The following ACYP2 variants were observed in gnomAD, a reference collection of about 807,000 sequenced individuals.
ACYP2 encodes the protein acylphosphatase 2.
In ACYP2, 12 loss-of-function variants were observed where a neutral mutation model predicts 11.2. The observed-to-expected ratio is 1.08, with a 90% CI of 0.69 to 1.74. The LOEUF (loss-of-function observed/expected upper bound fraction) is 1.74, where lower values mean the gene tolerates loss of function less well. ACYP2 is among the 40% of genes most tolerant of loss of function. The pLI is 0.00. For missense variants in ACYP2, 134 were observed against 101.9 expected, an observed-to-expected ratio of 1.31 and a Z score of -1.35; for synonymous variants, 43 against 32.2, an observed-to-expected ratio of 1.33 and a Z score of -1.13.
chr2:54,144,004 C>T (rs2103795397), intron 6 of ACYP2, among the ~76,000 whole-genome samples: 1 of 152,074 alleles, frequency 6.6e-6, no homozygotes, highest in East Asian at 1.9e-4. Flanking sequence ...ACGTTTTGCT[C>T]TGTCACCCAA....
At chr2:54,123,786 A>C (rs1434433179) in intron 4 of ACYP2, among the ~76,000 whole-genome samples, 1 of 152,136 alleles carries the variant, frequency 6.6e-6, no homozygotes, top group African/African-American at 2.4e-5. Flanking sequence ...GTACCAGTGC[A>C]ATACCCCGAC....
At chr2:54,257,302 G>A (rs1004903721) in intron 6 of ACYP2, among the ~76,000 whole-genome samples, 1 of 152,028 alleles carries the variant, frequency 6.6e-6, no homozygotes, top group Non-Finnish European at 1.5e-5. Context: ...TTTATGAGTG[G>A]GGTCACAATT....
At chr2:53,973,831 G>T in intron 2 of ACYP2, 1 of 265,274 alleles carries the variant, frequency 3.8e-6, no homozygotes, top group Non-Finnish European at 7.0e-6. Context: ...TAAAAGGAGG[G>T]ATTTTTGAAT....
At chr2:54,151,331 A>G (rs1447926631) in intron 6 of ACYP2, among the ~76,000 whole-genome samples, 5 of 152,208 alleles carry the variant, frequency 3.3e-5, no homozygotes, top group Admixed American at 3.3e-4. Context: ...AATATTTTCA[A>G]AAATAACTTT....
intron 6 of ACYP2, among the ~76,000 whole-genome samples, chr2:54,285,306 C>T (rs913533545): frequency 2.6e-5 from 4 of 152,198 alleles, no homozygotes; most frequent in East Asian, 1.9e-4. Context: ...TAGGATACCA[C>T]GGTCTCCTGG....
At chr2:54,152,117 T>C (rs2103811698) in intron 6 of ACYP2, among the ~76,000 whole-genome samples, 1 of 123,892 alleles carries the variant, frequency 8.1e-6, no homozygotes, top group East Asian at 2.0e-4. Context: ...GGTTGACTCT[T>C]TTTTTTTTTT....
intron 6 of ACYP2, among the ~76,000 whole-genome samples, chr2:54,246,168 G>T (rs1686944112): frequency 6.6e-6 from 1 of 152,100 alleles, no homozygotes; most frequent in Non-Finnish European, 1.5e-5. Flanking sequence ...GTTGCCTGTA[G>T]ATAAATGGAT....
intron 6 of ACYP2, among the ~76,000 whole-genome samples, chr2:54,247,780 C>G (rs1687028006): frequency 6.6e-6 from 1 of 151,980 alleles, no homozygotes; most frequent in Non-Finnish European, 1.5e-5. Context: ...TATTTCTGTC[C>G]ATATGTAGTT....
At chr2:54,002,093 T>C (rs148448476) in intron 2 of ACYP2, among the ~76,000 whole-genome samples, 35 of 152,306 alleles carry the variant, frequency 2.3e-4, no homozygotes, top group African/African-American at 7.7e-4. Flanking sequence ...TACAATAATA[T>C]GTTTCCACTA....
chr2:54,195,882 C>G (rs971009251), intron 6 of ACYP2, among the ~76,000 whole-genome samples: 1 of 135,032 alleles, frequency 7.4e-6, no homozygotes, highest in Non-Finnish European at 1.5e-5. Flanking sequence ...ACTGCAATTT[C>G]TGCCTCCTGG....
chr2:53,971,670 T>C (rs113936254), intron 1 of ACYP2, among the ~76,000 whole-genome samples: 1 of 152,186 alleles, frequency 6.6e-6, no homozygotes, highest in African/African-American at 2.4e-5. Flanking sequence ...ATGCTCTTAA[T>C]TGCTAGATAA....
At chr2:54,087,749 G>A (rs1164350526) in intron 4 of ACYP2, among the ~76,000 whole-genome samples, 2 of 152,154 alleles carry the variant, frequency 1.3e-5, no homozygotes, top group African/African-American at 4.8e-5. Context: ...GTGAATAAGT[G>A]GATAAAGGGA....
At chr2:54,012,734 C>T (rs114197000) in intron 2 of ACYP2, among the ~76,000 whole-genome samples, 1,880 of 152,276 alleles carry the variant, frequency 0.012, 22 homozygotes, top group Non-Finnish European at 0.018. Context: ...CTCCCAGTTG[C>T]TTGGCCAGCT....
At chr2:54,082,050 C>A (rs1341933991) in intron 4 of ACYP2, among the ~76,000 whole-genome samples, 1 of 152,164 alleles carries the variant, frequency 6.6e-6, no homozygotes, top group Non-Finnish European at 1.5e-5. Flanking sequence ...GATTTACAAA[C>A]CCCCTGTCCT....
rs968840975 is a variant in ACYP2, at chr2:54,065,319, G to A, written c.277+7959G>A. The A allele has an allele frequency of 4.1e-5, 16 of 392,204 alleles. No individual in the cohort carries two copies. The East Asian group carries it at 5.8e-4, about 14-fold the overall frequency. 24.3% of individuals were successfully genotyped at this position (392,204 alleles called of 1,614,324 possible). ...TTGAATTGGATGTTGACTATAGGAGGCCCAGGTACTTTGTTTAAATCCTGA... is the reference window on the plus strand; with the variant it reads ...TTGAATTGGATGTTGACTATAGGAGACCCAGGTACTTTGTTTAAATCCTGA... On this transcript the variant is annotated intron_variant, in intron 4 of 6. Coordinates refer to ENST00000607452, the MANE Select transcript of ACYP2 (RefSeq NM_001320586.2).
chr2:54,243,593 C>T (rs1476618874), intron 6 of ACYP2, among the ~76,000 whole-genome samples: 2 of 152,112 alleles, frequency 1.3e-5, no homozygotes, highest in African/African-American at 4.8e-5. Flanking sequence ...CTCCCAGGTT[C>T]AAGTGATTCT....
At chr2:54,213,941 A>T (rs1035475268) in intron 6 of ACYP2, among the ~76,000 whole-genome samples, 1 of 151,522 alleles carries the variant, frequency 6.6e-6, no homozygotes, top group East Asian at 1.9e-4. Flanking sequence ...TTATTTTTTT[A>T]TTTTTATTTT....
chr2:54,218,460 T>C (rs1303867571), intron 6 of ACYP2, among the ~76,000 whole-genome samples: 1 of 152,244 alleles, frequency 6.6e-6, no homozygotes, highest in Non-Finnish European at 1.5e-5. Context: ...ATCATATGTA[T>C]TTATTTTTGT....
At chr2:54,091,906 A>G (rs1033670045) in intron 4 of ACYP2, among the ~76,000 whole-genome samples, 4 of 152,056 alleles carry the variant, frequency 2.6e-5, no homozygotes, top group Admixed American at 1.3e-4. Flanking sequence ...TGCTGGTGGG[A>G]GGAGTACGAG....
Sources: gnomAD v4.1 joint callset for allele counts (sites outside exome capture counted in the v4.1 genomes callset) on GRCh38, gnomAD v4.1.1 for gene constraint, MANE v1.5 for transcripts, NCBI Gene and HGNC (gene_info 2026-07-23, HGNC 2026-07-21) for gene names.